The following LAD1 variants were observed in gnomAD, a reference collection of about 807,000 sequenced individuals.
LAD1 encodes the protein ladinin-1.
A neutral mutation model predicts 54.2 loss-of-function variants in LAD1; 53 were observed. The ratio of observed to expected loss-of-function variants is 0.98; its 90% CI spans 0.78 to 1.23. The LOEUF is 1.23. Among genes scored for constraint, LAD1 ranks in the 50% most tolerant of loss-of-function variants. LAD1 has a pLI of 0.00. For synonymous variants in LAD1, 231 were observed against 257.7 expected, an observed-to-expected ratio of 0.90 and a Z score of 0.99; for missense variants, 637 against 653.3, an observed-to-expected ratio of 0.98 and a Z score of 0.27.
At chr1:201,390,274 G>A (rs1010940595) in intron 1 of LAD1, among the ~76,000 whole-genome samples, 16 of 151,334 alleles carry the variant, frequency 1.1e-4, no homozygotes, top group African/African-American at 1.9e-4. Flanking sequence ...GGCCGGGCGC[G>A]GTGGCTCACA....
At chr1:201,396,205 C>T (rs1662285931) in intron 1 of LAD1, among the ~76,000 whole-genome samples, 1 of 152,076 alleles carries the variant, frequency 6.6e-6, no homozygotes, top group Non-Finnish European at 1.5e-5. Flanking sequence ...AGCTGCCTAC[C>T]ACTCCTTCCC....
chr1:201,382,022 T>C (rs1661972513), intron 9 of LAD1, 129 bp from the exon 10 acceptor site: 1 of 1,035,238 alleles, frequency 9.7e-7, no homozygotes, highest in Non-Finnish European at 1.4e-6. Context: ...CCCTGTAATC[T>C]GCCAGCTGAA....
rs1326757266 is a variant in LAD1 at position 201,389,030 on chromosome 1, G to A, written c.182+130C>T. The A allele has an allele frequency of 4.5e-6, 5 of 1,102,932 alleles. No individual in the cohort carries two copies. The East Asian group carries it at 9.5e-5, about 21-fold the overall frequency. The allele number at this position is 1,102,932 out of a possible 1,614,324, so 68.3% of individuals were successfully genotyped here. ...CTGAGTCTGGGGAAGGTGGGGAACT[G>A]GAAATTCATCATCACACCCTTCAGC... On this transcript the variant is annotated intron_variant, in intron 2 of 9. Transcript: ENST00000391967.
chr1:201,384,760 A>C, intron 5 of LAD1, 32 bp downstream of exon 5: 1 of 1,612,268 alleles, frequency 6.2e-7, no homozygotes, highest in Non-Finnish European at 8.5e-7. Flanking sequence ...ACATGGCCAA[A>C]TAGAAAGAAC....
chr1:201,392,130 G>A (rs1271197111), intron 1 of LAD1, among the ~76,000 whole-genome samples: 2 of 152,232 alleles, frequency 1.3e-5, no homozygotes, highest in African/African-American at 4.8e-5. Context: ...CCTGCCCTTT[G>A]GCAAGTTACT....
Position 201,381,767 on chromosome 1 carries a change from T to C in LAD1, c.*121A>G. On this transcript the variant is annotated 3_prime_UTR_variant, in exon 10 of 10. Transcript: ENST00000391967. ...ACCCCAGGGACCCTGGCCAAACAGATCCACAGGCAAAAAGGGAACAGGGAC... is the reference window on the plus strand; with the variant it reads ...ACCCCAGGGACCCTGGCCAAACAGACCCACAGGCAAAAAGGGAACAGGGAC... 8.7e-7 allele frequency: 1 copy of C among 1,147,550 alleles called. No individual in the cohort carries two copies. 71.1% of individuals were successfully genotyped at this position (1,147,550 alleles called of 1,614,324 possible).
At chr1:201,384,332 G>C (rs946696245) in intron 5 of LAD1, among the ~76,000 whole-genome samples, 10 of 152,094 alleles carry the variant, frequency 6.6e-5, no homozygotes, top group Non-Finnish European at 1.3e-4. Context: ...TCCTATTTCA[G>C]TTTTGCTTTT....
intron 2 of LAD1, among the ~76,000 whole-genome samples, chr1:201,387,923 C>G (rs779607026): frequency 2.0e-5 from 3 of 152,204 alleles, no homozygotes; most frequent in Non-Finnish European, 2.9e-5. Flanking sequence ...AACTTACTGT[C>G]GGAGCCTCAG....
In LAD1 at chr1:201,394,069, T is replaced by C. The variant is rs112825228; in HGVS notation, c.39-4766A>G. ...TCTATATAAGTGAAGAGTGATTGAG[T>C]TGTCCTGCAGTGAGAGAAACAACCG... On this transcript the variant is annotated intron_variant, in intron 1 of 9. Coordinates refer to ENST00000391967, the MANE Select transcript of LAD1 (RefSeq NM_005558.4). Among the ~76,000 whole-genome samples, 1,497 of 152,148 alleles carry C rather than the reference T, an allele frequency of 9.8e-3. 35 individuals are homozygous for C. Among genetic ancestry groups the C allele is most frequent in the African/African-American group, 0.034 (1,429 of 41,490 alleles).
chr1:201,388,556 G>C (rs1311476282), intron 2 of LAD1, among the ~76,000 whole-genome samples: 1 of 151,786 alleles, frequency 6.6e-6, no homozygotes, highest in East Asian at 1.9e-4. Context: ...GGTGGTGGGT[G>C]CCTGTAGTCC....
chr1:201,388,371 G>A (rs1405714713), intron 2 of LAD1, among the ~76,000 whole-genome samples: 7 of 140,752 alleles, frequency 5.0e-5, no homozygotes, highest in African/African-American at 1.9e-4. Context: ...CGGGGTGACA[G>A]AGCAAGACTC....
At chr1:201,382,042 G>A (rs1287059156) in intron 9 of LAD1, 149 bp from the exon 10 acceptor site, 3 of 889,964 alleles carry the variant, frequency 3.4e-6, no homozygotes, top group East Asian at 5.1e-5. Context: ...AGAGGGAGGG[G>A]CTCTGCAGAG....
At chr1:201,388,222 C>T (rs1453312350) in intron 2 of LAD1, among the ~76,000 whole-genome samples, 4 of 152,172 alleles carry the variant, frequency 2.6e-5, no homozygotes, top group Non-Finnish European at 5.9e-5. Flanking sequence ...GAAACCCCAT[C>T]TCTCCTAAAA....
chr1:201,389,725 G>A (rs1041127958), intron 1 of LAD1, among the ~76,000 whole-genome samples: 20 of 151,780 alleles, frequency 1.3e-4, no homozygotes, highest in African/African-American at 1.9e-4. Context: ...AGGAGGTTGA[G>A]GCACGAGAAT....
chr1:201,383,323 G>A lies in LAD1; in HGVS notation c.1242C>T (p.Ala414=), dbSNP rs1458303980. The A allele has an allele frequency of 6.2e-7, 1 of 1,613,836 alleles. No individual in the cohort carries two copies. The highest frequency in any genetic ancestry group is 1.3e-5 in the African/African-American group (1 of 74,922). ...AGGAGAAGCCCCCACCCACCCGTAT[G>A]GCCGTGTGGTATCTCTCCAGCTTCT... ...LGEKLERYHT[A]IRRSESVKSR... is the part of the protein sequence containing the mutation. The change falls in exon 6 of 10, where the codon GCC becomes GCT. Residue 414 remains alanine, a synonymous_variant. Coordinates refer to ENST00000391967, the MANE Select transcript of LAD1 (RefSeq NM_005558.4).
intron 1 of LAD1, among the ~76,000 whole-genome samples, chr1:201,398,270 G>A (rs1013074860): frequency 6.6e-6 from 1 of 152,204 alleles, no homozygotes; most frequent in African/African-American, 2.4e-5. Context: ...GGACCCAAAT[G>A]GCTGGAGGGT....
chr1:201,389,187 C>G lies in LAD1; in HGVS notation c.155G>C (p.Gly52Ala). Residue 52 changes from glycine to alanine, a missense_variant, in exon 2 of 10, where the codon GGA becomes GCA. Transcript: ENST00000391967. ...DDEAPRLSQN[G>A]DRQASASERL... The stretch of plus-strand genomic sequence containing the variant: ...CTCAGAAGCAGAGGCCTGCCGGTCT[C>G]CATTCTGGCTGAGCCTGGGAGCCTC... 6.2e-7 allele frequency: 1 copy of G among 1,614,250 alleles called. No homozygotes were observed. Among genetic ancestry groups the G allele is most frequent in the East Asian group, 2.2e-5 (1 of 44,890 alleles).
rs542463770 is a variant in LAD1, at chr1:201,398,838, C to G, written c.38+431G>C. On this transcript the variant is annotated intron_variant, in intron 1 of 9. Transcript: ENST00000391967. ...TCCAAGACGGCTCTCCCTGCTCCCCCTCCCAAGAGGGGCTGTGGGACACCT... is the reference window on the plus strand; with the variant it reads ...TCCAAGACGGCTCTCCCTGCTCCCCGTCCCAAGAGGGGCTGTGGGACACCT... 1.4e-4 allele frequency among the ~76,000 whole-genome samples: 21 copies of G among 152,332 alleles called. No individual in the cohort carries two copies. In the South Asian group the frequency reaches 3.3e-3, roughly 24 times the overall value.
Position 201,381,741 on chromosome 1 carries a change from G to T in LAD1, c.*147C>A. 1.1e-6 allele frequency: 1 copy of T among 879,052 alleles called. No homozygotes were observed. Among genetic ancestry groups the T allele is most frequent in the Non-Finnish European group, 1.9e-6 (1 of 523,804 alleles). The allele number at this position is 879,052 out of a possible 1,614,324, so 54.5% of individuals were successfully genotyped here. A position where few individuals can be genotyped will look rare whatever the true frequency, so the allele number is the denominator to read the frequency against. On this transcript the variant is annotated 3_prime_UTR_variant, in exon 10 of 10. Coordinates refer to ENST00000391967, the MANE Select transcript of LAD1 (RefSeq NM_005558.4). ...CTGGCTGAGTCTTGCAAATATTCCT[G>T]ACCCCAGGGACCCTGGCCAAACAGA...
Sources: allele counts gnomAD v4.1 joint callset (sites outside exome capture counted in the v4.1 genomes callset), GRCh38; gene constraint gnomAD v4.1.1; transcripts MANE v1.5; gene names NCBI Gene and HGNC (gene_info 2026-07-23, HGNC 2026-07-21).